PRSS12: variants seen among roughly 807,000 people sequenced by gnomAD.
PRSS12 encodes neurotrypsin.
Under a neutral mutation model 104.4 loss-of-function variants are expected in PRSS12, and 85 were observed. That is an observed-to-expected ratio of 0.81 (90% CI 0.68 to 0.98). The LOEUF (loss-of-function observed/expected upper bound fraction) is 0.98. Ranked by LOEUF, PRSS12 falls within the 50% of genes least tolerant of loss-of-function variation. The pLI is 0.00. For synonymous variants in PRSS12, 454 were observed against 425.2 expected (o/e 1.07, Z -0.83); for missense variants, 1,141 against 1,139.2 (o/e 1.00, Z -0.02).
chr4:118,293,397 TAAG>T (rs1196588577), intron 11 of PRSS12, among the ~76,000 whole-genome samples: 1 of 152,018 alleles, frequency 6.6e-6, no homozygotes, highest in African/African-American at 2.4e-5. Flanking sequence ...ATTTTTTAAA[TAAG>T]AAATACAAAG....
At chr4:118,321,532 A>G (rs1262662116) in intron 4 of PRSS12, among the ~76,000 whole-genome samples, 2 of 152,220 alleles carry the variant, frequency 1.3e-5, no homozygotes, top group African/African-American at 4.8e-5. Context: ...CACAGGGATG[A>G]TAACGGCTAA....
chr4:118,321,247 T>A lies in PRSS12; in HGVS notation c.972-2691A>T, dbSNP rs143366384. Among the ~76,000 whole-genome samples the A allele has an allele frequency of 2.6e-5, 4 of 152,268 alleles. No homozygotes were observed. In the East Asian group the frequency reaches 7.7e-4, roughly 29 times the overall value. ...AAAGTCATGTCTACTCTGGAAAGAG[T>A]CAATAAATGCTTAATTAATAGGATT... On this transcript the variant is annotated intron_variant, in intron 4 of 12. Transcript: ENST00000296498.
intron 4 of PRSS12, among the ~76,000 whole-genome samples, chr4:118,325,202 C>T (rs1364707838): frequency 6.6e-6 from 1 of 151,610 alleles, no homozygotes; most frequent in Non-Finnish European, 1.5e-5. Flanking sequence ...CACACATGGA[C>T]ATAAATGTGA....
At chr4:118,335,731 T>G in intron 2 of PRSS12, 80 bp from the exon 3 acceptor site, 1 of 1,304,968 alleles carries the variant, frequency 7.7e-7, no homozygotes, top group Non-Finnish European at 1.1e-6. Flanking sequence ...TGAAAAAAAA[T>G]GGAAGAAATC....
rs538758829 is a variant in PRSS12, at chr4:118,318,895, TG to T, written c.972-340del. Among the ~76,000 whole-genome samples, 14 of 152,312 alleles carry T rather than the reference TG, an allele frequency of 9.2e-5. No individual in the cohort carries two copies. In the South Asian group the frequency reaches 2.5e-3, roughly 27 times the overall value. Reference sequence around the variant, plus strand: ...CTTGATGACTAAGTTTGTTTGTTTGTGGTAAAATAAACATAACATAAAGTTT... The same window carrying T: ...CTTGATGACTAAGTTTGTTTGTTTGTGTAAAATAAACATAACATAAAGTTT... On this transcript the variant is annotated intron_variant, in intron 4 of 12. Coordinates refer to ENST00000296498, the MANE Select transcript of PRSS12 (RefSeq NM_003619.4).
intron 9 of PRSS12, 95 bp downstream of exon 9, chr4:118,298,638 G>T: frequency 1.6e-6 from 2 of 1,239,474 alleles, no homozygotes; most frequent in Non-Finnish European, 1.2e-6. Flanking sequence ...ATACGTTCTT[G>T]TTGTACTAGA....
At chr4:118,299,827 TAAAATAAA>T (rs1429885809) in intron 8 of PRSS12, among the ~76,000 whole-genome samples, 1 of 122,170 alleles carries the variant, frequency 8.2e-6, no homozygotes, top group East Asian at 2.4e-4. Flanking sequence ...TAAAATAAAA[TAAAATAAA>T]ATAAAATAAA....
At chr4:118,305,175 T>C (rs1440620204) in intron 8 of PRSS12, among the ~76,000 whole-genome samples, 1 of 151,016 alleles carries the variant, frequency 6.6e-6, no homozygotes, top group African/African-American at 2.4e-5. Flanking sequence ...TATGTTCTTA[T>C]ATGAAATCCA....
intron 1 of PRSS12, among the ~76,000 whole-genome samples, chr4:118,342,996 T>C (rs1194514250): frequency 6.6e-6 from 1 of 152,184 alleles, no homozygotes; most frequent in Non-Finnish European, 1.5e-5. Context: ...AGAGTTCTCT[T>C]TAACCATCTT....
intron 8 of PRSS12, chr4:118,303,385 T>C (rs1052818852): frequency 6.6e-6 from 1 of 152,098 alleles, no homozygotes; most frequent in East Asian, 1.9e-4. Flanking sequence ...ACTGATCAAC[T>C]TGCACAAACT....
intron 11 of PRSS12, among the ~76,000 whole-genome samples, chr4:118,293,945 A>G (rs1743185338): frequency 1.3e-5 from 2 of 152,236 alleles, no homozygotes; most frequent in South Asian, 4.1e-4. Flanking sequence ...GAAAGAATGG[A>G]AAGCAGCTAA....
Position 118,352,280 on chromosome 4 carries a change from G to C in PRSS12, c.441C>G (p.Pro147=), listed in dbSNP as rs748813067. 1 of 1,609,632 alleles carries C rather than the reference G, an allele frequency of 6.2e-7. No homozygotes were observed. The highest frequency in any genetic ancestry group is 1.3e-5 in the African/African-American group (1 of 75,012). ...FCRSPDGAGR[P]WCFYGDARGK... Reference sequence around the variant, plus strand: ...CACGGGCGTCTCCGTAGAAACACCAGGGTCTGCCCGCGCCGTCGGGGCTCC... The same window carrying C: ...CACGGGCGTCTCCGTAGAAACACCACGGTCTGCCCGCGCCGTCGGGGCTCC... The change falls in exon 1 of 13, where the codon CCC becomes CCG. Residue 147 remains proline, a synonymous_variant. Coordinates refer to ENST00000296498, the MANE Select transcript of PRSS12 (RefSeq NM_003619.4).
chr4:118,347,633 C>T (rs886153316), intron 1 of PRSS12, among the ~76,000 whole-genome samples: 2 of 152,202 alleles, frequency 1.3e-5, no homozygotes, highest in African/African-American at 4.8e-5. Context: ...AGAAAAGTGA[C>T]TGCCCCTCCT....
In PRSS12 at chr4:118,280,407, T is replaced by G. The variant is rs1227997785; in HGVS notation, c.*1529A>C. On this transcript the variant is annotated 3_prime_UTR_variant, in exon 13 of 13. Coordinates refer to ENST00000296498, the MANE Select transcript of PRSS12 (RefSeq NM_003619.4). Reference sequence around the variant, plus strand: ...CAAAATCATGAGTTTTTACAAAAGTTTTTAATGCTCTTCTGCATTATATGC... The same window carrying G: ...CAAAATCATGAGTTTTTACAAAAGTGTTTAATGCTCTTCTGCATTATATGC... 6.6e-6 allele frequency: 1 copy of G among 152,256 alleles called. No individual in the cohort carries two copies. Among genetic ancestry groups the G allele is most frequent in the African/African-American group, 2.4e-5 (1 of 41,474 alleles). 9.4% of individuals were successfully genotyped at this position (152,256 alleles called of 1,614,324 possible).
chr4:118,341,304 A>G (rs1560786410), intron 1 of PRSS12, among the ~76,000 whole-genome samples: 1 of 152,222 alleles, frequency 6.6e-6, no homozygotes, highest in East Asian at 1.9e-4. Context: ...TAAGATAAGT[A>G]GTAGTTTTCA....
In PRSS12 at chr4:118,298,751, A is replaced by T. The variant is rs1382909497; in HGVS notation, c.1819T>A (p.Ser607Thr). ...VICDYFGKKA[S>T]GNSNKESLSS... ...GACTTACCTTTATTACTGTTACCTGAGGCCTTCTTGCCAAAATAATCACAA... is the reference window on the plus strand; with the variant it reads ...GACTTACCTTTATTACTGTTACCTGTGGCCTTCTTGCCAAAATAATCACAA... The change falls in exon 9 of 13, where the codon TCA (serine) becomes ACA (threonine). Residue 607 changes from serine to threonine, a missense_variant. By Grantham distance (58) the Ser-to-Thr change is moderately conservative. Transcript: ENST00000296498. 5 of 1,614,202 alleles carry T rather than the reference A, an allele frequency of 3.1e-6. No individual in the cohort carries two copies. The South Asian group carries it at 4.4e-5, about 14-fold the overall frequency.
intron 11 of PRSS12, among the ~76,000 whole-genome samples, chr4:118,293,494 A>C (rs1008735935): frequency 1.3e-4 from 20 of 152,296 alleles, no homozygotes; most frequent in African/African-American, 4.6e-4. Context: ...AACAAGTAAA[A>C]GGACAAGGTC....
chr4:118,291,092 T>G (rs769139264), intron 11 of PRSS12, among the ~76,000 whole-genome samples: 2 of 151,784 alleles, frequency 1.3e-5, no homozygotes, highest in Non-Finnish European at 2.9e-5. Flanking sequence ...CCCTCAGATA[T>G]ATGCCACAAA....
At chr4:118,291,535 G>A (rs1743127447) in intron 11 of PRSS12, among the ~76,000 whole-genome samples, 1 of 152,076 alleles carries the variant, frequency 6.6e-6, no homozygotes, top group Non-Finnish European at 1.5e-5. Context: ...TTTAACATTT[G>A]TGGTATCTGA....
Sources: gnomAD v4.1 joint callset for allele counts (sites outside exome capture counted in the v4.1 genomes callset) on GRCh38, gnomAD v4.1.1 for gene constraint, MANE v1.5 for transcripts, NCBI Gene and HGNC (gene_info 2026-07-23, HGNC 2026-07-21) for gene names.